The following NCAM2 variants were observed in gnomAD, a reference collection of about 807,000 sequenced individuals.
The protein encoded by NCAM2 is neural cell adhesion molecule 2.
A neutral mutation model predicts 98.1 loss-of-function variants in NCAM2; 30 were observed. That is an observed-to-expected ratio of 0.31 (90% CI 0.23 to 0.41). The LOEUF (loss-of-function observed/expected upper bound fraction) is 0.41. NCAM2 is among the 10% of genes least tolerant of loss of function. The pLI is 1.00. For missense variants in NCAM2, 867 were observed against 1,005.8 expected (o/e 0.86, Z 1.87); for synonymous variants, 368 against 342.4 (o/e 1.07, Z -0.83).
intron 12 of NCAM2, among the ~76,000 whole-genome samples, chr21:21,450,381 T>A (rs879041114): frequency 6.6e-6 from 1 of 151,316 alleles, no homozygotes; most frequent in Non-Finnish European, 1.5e-5. Flanking sequence ...TTTCGCTCTA[T>A]CACCCAGGCT....
intron 1 of NCAM2, among the ~76,000 whole-genome samples, chr21:21,233,805 G>T (rs2070719000): frequency 6.6e-6 from 1 of 151,624 alleles, no homozygotes; most frequent in African/African-American, 2.4e-5. Context: ...GTTTCTCTTT[G>T]CTATCTAAGA....
chr21:21,352,940 G>T (rs1304777898), intron 8 of NCAM2, among the ~76,000 whole-genome samples: 1 of 151,456 alleles, frequency 6.6e-6, no homozygotes, highest in African/African-American at 2.4e-5. Flanking sequence ...CACAACTTCC[G>T]CTTTTCGGGT....
chr21:21,108,118 A>G (rs764764812), intron 1 of NCAM2, among the ~76,000 whole-genome samples: 34 of 152,072 alleles, frequency 2.2e-4, no homozygotes, highest in Non-Finnish European at 7.4e-5. Flanking sequence ...AATTTTGTTT[A>G]TAGTTTTTGT....
intron 1 of NCAM2, among the ~76,000 whole-genome samples, chr21:21,230,981 C>T (rs1280894706): frequency 3.3e-5 from 5 of 151,274 alleles, no homozygotes; most frequent in South Asian, 2.1e-4. Context: ...GAAATTATAA[C>T]GTATTTCCGA....
chr21:21,287,470 G>A (rs1324180593), intron 4 of NCAM2, among the ~76,000 whole-genome samples: 1 of 151,818 alleles, frequency 6.6e-6, no homozygotes, highest in Non-Finnish European at 1.5e-5. Flanking sequence ...GCATAACTCT[G>A]TACAGTGTAT....
intron 1 of NCAM2, among the ~76,000 whole-genome samples, chr21:21,258,712 G>C (rs1018242342): frequency 1.3e-5 from 2 of 152,050 alleles, no homozygotes; most frequent in Non-Finnish European, 2.9e-5. Flanking sequence ...GTGCACGCAT[G>C]GTGGGCCACT....
chr21:21,473,373 A>AATATAT (rs57318222), intron 14 of NCAM2, among the ~76,000 whole-genome samples: 34,426 of 140,184 alleles, frequency 0.25, 4,738 homozygotes, highest in Non-Finnish European at 0.31. Context: ...TATATGTATA[A>AATATAT]ATATATATAT....
chr21:21,238,528 A>C lies in NCAM2; in HGVS notation c.56-42050A>C, dbSNP rs2070935237. Among the ~76,000 whole-genome samples, 3 of 145,756 alleles carry C rather than the reference A, an allele frequency of 2.1e-5. No individual in the cohort carries two copies. The South Asian group carries it at 6.8e-4, about 33-fold the overall frequency. On this transcript the variant is annotated intron_variant, in intron 1 of 17. Transcript: ENST00000400546. ...CTCAGAAAACAGATAACGTGAAATC[A>C]TAAAGATGTTCATAACAGTGAACAT...
At chr21:21,077,392 T>C (rs566232728) in intron 1 of NCAM2, among the ~76,000 whole-genome samples, 65 of 152,240 alleles carry the variant, frequency 4.3e-4, no homozygotes, top group African/African-American at 1.5e-3. Flanking sequence ...TGAAGGATAA[T>C]TGAAGGATTA....
At position 21,322,250 on chromosome 21, in the gene NCAM2, T is replaced by C. The variant is rs115589611; in HGVS notation, c.620-2133T>C. 8.4e-3 allele frequency among the ~76,000 whole-genome samples: 1,281 copies of C among 152,172 alleles called. 18 individuals are homozygous for C. The highest frequency in any genetic ancestry group is 0.029 in the African/African-American group (1,224 of 41,508). On this transcript the variant is annotated intron_variant, in intron 5 of 17. Transcript: ENST00000400546. ...AAACCAAATACTGCATATCCTCACATTGAATGCCCATGGACATAAAGATGG... is the reference window on the plus strand; with the variant it reads ...AAACCAAATACTGCATATCCTCACACTGAATGCCCATGGACATAAAGATGG...
chr21:21,269,727 CATT>C (rs1568863765), intron 1 of NCAM2, among the ~76,000 whole-genome samples: 1 of 152,058 alleles, frequency 6.6e-6, no homozygotes, highest in Admixed American at 6.6e-5. Context: ...TAATTAAAAT[CATT>C]ATTTTTCTAA....
intron 1 of NCAM2, among the ~76,000 whole-genome samples, chr21:21,224,028 T>A (rs1213365190): frequency 6.6e-6 from 1 of 152,116 alleles, no homozygotes. Flanking sequence ...CTCTAGAACA[T>A]TTATTATCAT....
At chr21:21,363,035 C>T (rs1602109397) in intron 8 of NCAM2, among the ~76,000 whole-genome samples, 1 of 151,974 alleles carries the variant, frequency 6.6e-6, no homozygotes, top group South Asian at 2.1e-4. Flanking sequence ...AAACAAAACA[C>T]AAATTTATAT....
intron 1 of NCAM2, among the ~76,000 whole-genome samples, chr21:21,253,762 A>C (rs2071558603): frequency 6.6e-6 from 1 of 152,218 alleles, no homozygotes; most frequent in Non-Finnish European, 1.5e-5. Context: ...CTAGAAAAGT[A>C]TTCAAACTTA....
At chr21:21,378,245 T>C (rs1412295413) in intron 9 of NCAM2, among the ~76,000 whole-genome samples, 1 of 151,954 alleles carries the variant, frequency 6.6e-6, no homozygotes, top group Admixed American at 6.6e-5. Flanking sequence ...TCTCATTTTC[T>C]TTTTGGGAGG....
intron 3 of NCAM2, among the ~76,000 whole-genome samples, chr21:21,285,309 G>T (rs1323779756): frequency 6.6e-6 from 1 of 151,704 alleles, no homozygotes; most frequent in East Asian, 1.9e-4. Context: ...CTAGAAATAG[G>T]ATATGAAAAA....
intron 5 of NCAM2, among the ~76,000 whole-genome samples, chr21:21,311,484 G>A (rs2074052821): frequency 6.6e-6 from 1 of 151,974 alleles, no homozygotes; most frequent in African/African-American, 2.4e-5. Flanking sequence ...GGGACTACAG[G>A]CACCCGCCAC....
At chr21:21,532,351 T>A (rs1989751733) in intron 16 of NCAM2, among the ~76,000 whole-genome samples, 1 of 152,088 alleles carries the variant, frequency 6.6e-6, no homozygotes, top group South Asian at 2.1e-4. Context: ...TTGATTCATA[T>A]GTGCTGATAT....
intron 8 of NCAM2, 108 bp downstream of exon 8, chr21:21,338,642 C>A: frequency 8.7e-7 from 1 of 1,143,694 alleles, no homozygotes; most frequent in East Asian, 2.8e-5. Flanking sequence ...CTTGTAGGAT[C>A]AAATAAATGG....
Sources: gnomAD v4.1 joint callset for allele counts (sites outside exome capture counted in the v4.1 genomes callset) on GRCh38, gnomAD v4.1.1 for gene constraint, MANE v1.5 for transcripts, NCBI Gene and HGNC (gene_info 2026-07-23, HGNC 2026-07-21) for gene names.